Variants in WWOX observed in about 807,000 individuals in gnomAD.
WWOX encodes the protein WW domain-containing oxidoreductase.
In WWOX, 69 loss-of-function variants were observed where a neutral mutation model predicts 46.2. The ratio of observed to expected loss-of-function variants is 1.49; its 90% CI spans 1.23 to 1.82. The LOEUF (loss-of-function observed/expected upper bound fraction) is 1.82, where lower values mean the gene tolerates loss of function less well. WWOX is among the 40% of genes most tolerant of loss of function. WWOX has a pLI of 0.00. For synonymous variants in WWOX, 359 were observed against 202.6 expected (o/e 1.77, Z -6.56); for missense variants, 919 against 542.6 (o/e 1.69, Z -6.89).
At chr16:78,473,414 G>GCCACCATTC (rs141242048) in intron 8 of WWOX, among the ~76,000 whole-genome samples, 5,538 of 152,252 alleles carry the variant, frequency 0.036, 214 homozygotes, top group African/African-American at 0.093. Flanking sequence ...ACAGACATGA[G>GCCACCATTC]CCGACCTTTT....
chr16:79,018,008 C>G (rs954698592), intron 8 of WWOX, among the ~76,000 whole-genome samples: 1 of 152,178 alleles, frequency 6.6e-6, no homozygotes, highest in African/African-American at 2.4e-5. Context: ...TGTACTGGGG[C>G]TAAAGATTTG....
intron 8 of WWOX, among the ~76,000 whole-genome samples, chr16:79,157,842 C>T (rs963597539): frequency 6.6e-6 from 1 of 152,076 alleles, no homozygotes; most frequent in Non-Finnish European, 1.5e-5. Flanking sequence ...CTGAACGAGG[C>T]AGGGTAAGTA....
chr16:78,623,754 G>T (rs569330756), intron 8 of WWOX, among the ~76,000 whole-genome samples: 3 of 149,416 alleles, frequency 2.0e-5, no homozygotes, highest in Non-Finnish European at 3.0e-5. Flanking sequence ...AAAAAAAAGT[G>T]TACTTTTTGA....
intron 8 of WWOX, among the ~76,000 whole-genome samples, chr16:79,032,733 A>G (rs2047789237): frequency 6.6e-6 from 1 of 151,388 alleles, no homozygotes; most frequent in Admixed American, 6.6e-5. Flanking sequence ...CCAGCCTTAG[A>G]TTGCCTAGTA....
chr16:79,137,929 A>T (rs1008826294), intron 8 of WWOX, among the ~76,000 whole-genome samples: 12 of 152,164 alleles, frequency 7.9e-5, no homozygotes, highest in African/African-American at 2.9e-4. Flanking sequence ...AGGAAGAAAA[A>T]AAAAACTTTG....
At position 78,560,620 on chromosome 16, in the gene WWOX, G is replaced by C. The variant is rs138917513; in HGVS notation, c.1056+127868G>C. On this transcript the variant is annotated intron_variant, in intron 8 of 8. Coordinates refer to ENST00000566780, the MANE Select transcript of WWOX (RefSeq NM_016373.4). ...GATCACGCCATTATACTCCAGTCTA[G>C]GCAACAAGAGTGAAACTCTGTCTCA... Among the ~76,000 whole-genome samples, 101 of 152,190 alleles carry C rather than the reference G, an allele frequency of 6.6e-4. 1 individual carries two copies. The highest frequency in any genetic ancestry group is 2.3e-3 in the African/African-American group (96 of 41,520).
intron 8 of WWOX, among the ~76,000 whole-genome samples, chr16:78,655,466 AGTGTG>A (rs2142155850): frequency 6.6e-6 from 1 of 152,272 alleles, no homozygotes; most frequent in South Asian, 2.1e-4. Context: ...ATCTCATCTG[AGTGTG>A]CAGCCTTTTG....
At chr16:78,888,138 A>T (rs2044507012) in intron 8 of WWOX, among the ~76,000 whole-genome samples, 1 of 152,130 alleles carries the variant, frequency 6.6e-6, no homozygotes, top group Non-Finnish European at 1.5e-5. Context: ...GCCATTTACA[A>T]CAAAAAGCTG....
chr16:78,841,893 G>A (rs952909687), intron 8 of WWOX, among the ~76,000 whole-genome samples: 9 of 152,250 alleles, frequency 5.9e-5, no homozygotes, highest in Middle Eastern at 3.4e-3. Context: ...CTTTTGAAAC[G>A]AGGGTCTCGA....
chr16:78,615,394 ATTT>A (rs2045998749), intron 8 of WWOX, among the ~76,000 whole-genome samples: 1 of 152,086 alleles, frequency 6.6e-6, no homozygotes. Flanking sequence ...CACACCTGTA[ATTT>A]CAACACGTAG....
chr16:78,835,151 C>T (rs2051944266), intron 8 of WWOX, among the ~76,000 whole-genome samples: 1 of 152,090 alleles, frequency 6.6e-6, no homozygotes, highest in Non-Finnish European at 1.5e-5. Flanking sequence ...GTATCTTGCT[C>T]CGACAGCCTT....
intron 8 of WWOX, among the ~76,000 whole-genome samples, chr16:78,762,434 A>G (rs1367286596): frequency 6.6e-6 from 1 of 152,158 alleles, no homozygotes; most frequent in Non-Finnish European, 1.5e-5. Context: ...CACCGCCCCC[A>G]CTTCCCACTG....
At chr16:79,069,801 C>T (rs1327021079) in intron 8 of WWOX, among the ~76,000 whole-genome samples, 1 of 152,072 alleles carries the variant, frequency 6.6e-6, no homozygotes, top group Non-Finnish European at 1.5e-5. Context: ...TGGGGTTAAC[C>T]TGTGTTTTGC....
chr16:78,827,132 G>T (rs1374169953), intron 8 of WWOX, among the ~76,000 whole-genome samples: 1 of 151,994 alleles, frequency 6.6e-6, no homozygotes, highest in Non-Finnish European at 1.5e-5. Flanking sequence ...CTTTCTGTGG[G>T]GGCTAAATCA....
At chr16:78,764,210 CTG>C (rs1282682457) in intron 8 of WWOX, among the ~76,000 whole-genome samples, 1 of 152,078 alleles carries the variant, frequency 6.6e-6, no homozygotes, top group Non-Finnish European at 1.5e-5. Context: ...CGGCTCTACC[CTG>C]TTTTGAAGTG....
intron 5 of WWOX, among the ~76,000 whole-genome samples, chr16:78,247,878 T>G (rs2037861239): frequency 6.6e-6 from 1 of 152,238 alleles, no homozygotes; most frequent in Non-Finnish European, 1.5e-5. Context: ...AGAACCCAAC[T>G]GCAGGTGGAG....
At chr16:78,391,847 C>G (rs1295106467) in intron 6 of WWOX, among the ~76,000 whole-genome samples, 2 of 152,088 alleles carry the variant, frequency 1.3e-5, no homozygotes, top group Non-Finnish European at 2.9e-5. Context: ...ACAAATTACT[C>G]CAAAATTTAG....
At chr16:78,447,786 A>G (rs2083596334) in intron 8 of WWOX, among the ~76,000 whole-genome samples, 1 of 152,200 alleles carries the variant, frequency 6.6e-6, no homozygotes. Flanking sequence ...CAAGGAAAGC[A>G]GAAGAAACTA....
chr16:78,976,490 A>T (rs1469131330), intron 8 of WWOX, among the ~76,000 whole-genome samples: 1 of 152,186 alleles, frequency 6.6e-6, no homozygotes, highest in Non-Finnish European at 1.5e-5. Context: ...CTGAGCAAGT[A>T]ATTTCTGCTT....
Sources: allele counts gnomAD v4.1 joint callset (sites outside exome capture counted in the v4.1 genomes callset), GRCh38; gene constraint gnomAD v4.1.1; transcripts MANE v1.5; gene names NCBI Gene and HGNC (gene_info 2026-07-23, HGNC 2026-07-21).